SEL1L2: variants seen among roughly 807,000 people sequenced by gnomAD.
The protein encoded by SEL1L2 is protein sel-1 homolog 2.
SEL1L2 carries 89 observed loss-of-function variants against 98.8 expected under a neutral mutation model. That is an observed-to-expected ratio of 0.90 (90% confidence interval 0.76 to 1.07). The LOEUF is 1.07. Among genes scored for constraint, SEL1L2 ranks in the 50% least tolerant of loss-of-function variants. The pLI is 0.00. For missense variants in SEL1L2, 788 were observed against 812.0 expected, an observed-to-expected ratio of 0.97 and a Z score of 0.36; for synonymous variants, 262 against 278.5, an observed-to-expected ratio of 0.94 and a Z score of 0.59.
chr20:13,951,963 C>A (rs544332830), intron 2 of SEL1L2, among the ~76,000 whole-genome samples: 8 of 152,174 alleles, frequency 5.3e-5, no homozygotes, highest in Middle Eastern at 3.4e-3. Context: ...CCTGCAAATC[C>A]TGCCAGGTGA....
intron 2 of SEL1L2, among the ~76,000 whole-genome samples, chr20:13,947,264 G>C (rs945980624): frequency 2.4e-4 from 36 of 152,212 alleles, no homozygotes; most frequent in Middle Eastern, 3.4e-3. Context: ...GACTCAGCTA[G>C]ACTCCGGCAG....
chr20:13,849,344 C>T lies in SEL1L2; in HGVS notation c.*141G>A. On this transcript the variant is annotated 3_prime_UTR_variant, in exon 20 of 20. Coordinates refer to ENST00000284951, the MANE Select transcript of SEL1L2 (RefSeq NM_025229.2). ...CTGAAGTTGTTTCTCTAGGATGGTC[C>T]CCAAGTCTTGTCTGTTTCCCATCAC... 9.1e-7 allele frequency: 1 copy of T among 1,098,846 alleles called. No individual in the cohort carries two copies. Among genetic ancestry groups the T allele is most frequent in the Non-Finnish European group, 1.3e-6 (1 of 758,742 alleles). 68.1% of individuals were successfully genotyped at this position (1,098,846 alleles called of 1,614,324 possible). A position where few individuals can be genotyped will look rare whatever the true frequency, so the allele number is the denominator to read the frequency against.
In SEL1L2 at chr20:13,868,367, A is replaced by G. The variant is rs1197092599; in HGVS notation, c.1255+1136T>C. On this transcript the variant is annotated intron_variant, in intron 14 of 19. Coordinates refer to ENST00000284951, the MANE Select transcript of SEL1L2 (RefSeq NM_025229.2). ...TTCAGAATCTCTTTCCATCAATTAT[A>G]ATTATGCTCAGGTCTCTTCATCTTA... Among the ~76,000 whole-genome samples, 3 of 152,006 alleles carry G rather than the reference A, an allele frequency of 2.0e-5. No individual in the cohort carries two copies. In the East Asian group the frequency reaches 5.8e-4, roughly 29 times the overall value.
intron 17 of SEL1L2, among the ~76,000 whole-genome samples, chr20:13,861,745 A>G (rs1189808545): frequency 2.0e-5 from 3 of 152,194 alleles, no homozygotes; most frequent in Non-Finnish European, 4.4e-5. Flanking sequence ...AATAATAGTC[A>G]GACTCCTTAC....
At chr20:13,883,161 A>G (rs1600595563) in intron 10 of SEL1L2, among the ~76,000 whole-genome samples, 1 of 148,612 alleles carries the variant, frequency 6.7e-6, no homozygotes, top group Non-Finnish European at 1.5e-5. Flanking sequence ...GGAGTTCTCC[A>G]TTCAAGTTCA....
chr20:13,875,556 C>T (rs1274404824), intron 12 of SEL1L2, among the ~76,000 whole-genome samples: 1 of 152,226 alleles, frequency 6.6e-6, no homozygotes, highest in Non-Finnish European at 1.5e-5. Context: ...AGTCGCCTTG[C>T]CCTGGCCTCC....
intron 5 of SEL1L2, among the ~76,000 whole-genome samples, chr20:13,892,422 C>T (rs2047243049): frequency 6.7e-6 from 1 of 150,074 alleles, no homozygotes; most frequent in African/African-American, 2.5e-5. Context: ...TGCACTCCAG[C>T]CTGGGCTACA....
intron 10 of SEL1L2, among the ~76,000 whole-genome samples, chr20:13,882,940 C>T (rs2046780315): frequency 1.3e-5 from 2 of 151,100 alleles, no homozygotes; most frequent in African/African-American, 4.8e-5. Flanking sequence ...CCTCAGCCTC[C>T]CAAGTAGCTG....
intron 2 of SEL1L2, among the ~76,000 whole-genome samples, chr20:13,937,746 A>G (rs981298482): frequency 2.0e-5 from 3 of 152,214 alleles, no homozygotes; most frequent in Non-Finnish European, 2.9e-5. Context: ...ACCTTTGGGT[A>G]TATTTCTCAT....
At chr20:13,947,444 T>C (rs1600868813) in intron 2 of SEL1L2, among the ~76,000 whole-genome samples, 1 of 152,192 alleles carries the variant, frequency 6.6e-6, no homozygotes, top group Admixed American at 6.5e-5. Flanking sequence ...GGAAAGGAGC[T>C]ACCCACTTTG....
chr20:13,886,289 T>C lies in SEL1L2; in HGVS notation c.899A>G (p.Gln300Arg). The C allele has an allele frequency of 1.9e-6, 3 of 1,604,140 alleles. No homozygotes were observed. The highest frequency in any genetic ancestry group is 2.6e-6 in the Non-Finnish European group (3 of 1,173,556). ...CTCAATCTCATCTGTATACATTACTTGTATCTGAACATCTCCTCTTTCTGC... is the reference window on the plus strand; with the variant it reads ...CTCAATCTCATCTGTATACATTACTCGTATCTGAACATCTCCTCTTTCTGC... ...FLAERGDVQI[Q>R]VSLGQLHLIG... Residue 300 changes from glutamine (Q) to arginine (R), a missense_variant and splice_region_variant, in exon 9 of 20, where the codon CAA (glutamine) becomes CGA (arginine). Transcript: ENST00000284951.
chr20:13,893,238 C>T (rs1356952176), intron 5 of SEL1L2, among the ~76,000 whole-genome samples: 1 of 152,180 alleles, frequency 6.6e-6, no homozygotes, highest in African/African-American at 2.4e-5. Context: ...TTCGATTTTG[C>T]ACTGAAGGCT....
intron 1 of SEL1L2, among the ~76,000 whole-genome samples, chr20:13,987,844 G>A (rs2052308368): frequency 6.6e-6 from 1 of 152,174 alleles, no homozygotes; most frequent in South Asian, 2.1e-4. Flanking sequence ...TTTTGTTGAT[G>A]AGTTGTAAGG....
chr20:13,907,731 TTTC>T (rs1200377254), intron 5 of SEL1L2, among the ~76,000 whole-genome samples: 1,625 of 127,368 alleles, frequency 0.013, 18 homozygotes, highest in East Asian at 0.04. Context: ...TCTTTCTTTC[TTTC>T]TTTCTTTCTT....
intron 12 of SEL1L2, among the ~76,000 whole-genome samples, chr20:13,871,507 CCTGA>C (rs2046191737): frequency 6.6e-6 from 1 of 151,892 alleles, no homozygotes; most frequent in South Asian, 2.1e-4. Context: ...TGATTGACCA[CCTGA>C]CTTTCTTTTT....
chr20:13,948,820 C>T (rs1005448239), intron 2 of SEL1L2, among the ~76,000 whole-genome samples: 3 of 152,186 alleles, frequency 2.0e-5, no homozygotes, highest in African/African-American at 7.2e-5. Context: ...AGGAAGAAGG[C>T]TTTAATGAGG....
chr20:13,952,655 G>A (rs1450442173), intron 2 of SEL1L2, among the ~76,000 whole-genome samples: 4 of 152,182 alleles, frequency 2.6e-5, no homozygotes, highest in Non-Finnish European at 4.4e-5. Context: ...GCCTGCTCCC[G>A]TCTTTCTAGA....
chr20:13,862,338 T>C (rs1406559498), intron 17 of SEL1L2, among the ~76,000 whole-genome samples: 1 of 152,172 alleles, frequency 6.6e-6, no homozygotes, highest in East Asian at 1.9e-4. Flanking sequence ...TATGTTCCCA[T>C]CCACAAAGAG....
At chr20:13,903,381 T>C (rs2047771224) in intron 5 of SEL1L2, among the ~76,000 whole-genome samples, 1 of 152,174 alleles carries the variant, frequency 6.6e-6, no homozygotes, top group African/African-American at 2.4e-5. Flanking sequence ...AGCAGAATTG[T>C]AAAAGTCTGT....
Sources: gnomAD v4.1 joint callset for allele counts (sites outside exome capture counted in the v4.1 genomes callset) on GRCh38, gnomAD v4.1.1 for gene constraint, MANE v1.5 for transcripts, NCBI Gene and HGNC (gene_info 2026-07-23, HGNC 2026-07-21) for gene names.